Variants in ZNF680 observed in about 807,000 individuals in gnomAD.
ZNF680 encodes the protein hypothetical protein FLJ90430.
Under a neutral mutation model 12.1 loss-of-function variants are expected in ZNF680, and 6 were observed. The ratio of observed to expected loss-of-function variants is 0.49; its 90% confidence interval spans 0.27 to 0.98. ZNF680 has a LOEUF of 0.98. Among genes scored for constraint, ZNF680 ranks in the 50% least tolerant of loss-of-function variants. The pLI is 0.12. For synonymous variants in ZNF680, 170 were observed against 199.3 expected (o/e 0.85, Z 1.24); for missense variants, 561 against 616.3 (o/e 0.91, Z 0.95).
At chr7:64,517,179 A>T (rs1214919758), downstream of ZNF680, among the ~76,000 whole-genome samples, 1 of 152,080 alleles carries the variant, frequency 6.6e-6, no homozygotes. Context: ...TTTTTAAAGG[A>T]TAAATAACAT....
intron 1 of ZNF680, among the ~76,000 whole-genome samples, chr7:64,562,223 C>T (rs1489207019): frequency 7.2e-6 from 1 of 138,984 alleles, no homozygotes; most frequent in Non-Finnish European, 1.6e-5. Flanking sequence ...CAGAGCGAGA[C>T]TCCGTTTCAA....
chr7:64,526,839 T>C (rs1309608031), intron 3 of ZNF680, among the ~76,000 whole-genome samples: 3 of 152,254 alleles, frequency 2.0e-5, no homozygotes, highest in Non-Finnish European at 4.4e-5. Flanking sequence ...TTGTTTTAAC[T>C]TTAAGATGTT....
At chr7:64,537,930 CA>C (rs940367255) in intron 3 of ZNF680, among the ~76,000 whole-genome samples, 3 of 145,788 alleles carry the variant, frequency 2.1e-5, no homozygotes, top group African/African-American at 5.1e-5. Flanking sequence ...ACTCCATCTC[CA>C]AAAAAAAACA....
chr7:64,512,149 T>TA, the ZNF680 span, among the ~76,000 whole-genome samples: 2 of 149,506 alleles, frequency 1.3e-5, no homozygotes, highest in South Asian at 4.2e-4. Context: ...AAATCTTTTC[T>TA]AAAAAAAGTT....
chr7:64,559,464 G>A (rs1417623890), intron 1 of ZNF680, among the ~76,000 whole-genome samples: 1 of 144,576 alleles, frequency 6.9e-6, no homozygotes, highest in Non-Finnish European at 1.5e-5. Flanking sequence ...TGTTTTATTT[G>A]TTTGTTTAGG....
At chr7:64,499,179 A>G in the ZNF680 span, among the ~76,000 whole-genome samples, 1 of 152,224 alleles carries the variant, frequency 6.6e-6, no homozygotes, top group Admixed American at 6.5e-5. Context: ...TTGAAATATA[A>G]ATGATTTTGT....
At chr7:64,552,619 T>G (rs1276607009) in intron 1 of ZNF680, among the ~76,000 whole-genome samples, 2 of 152,210 alleles carry the variant, frequency 1.3e-5, no homozygotes, top group African/African-American at 4.8e-5. Flanking sequence ...TAAGTTTTAT[T>G]TGGATATTAG....
chr7:64,543,538 A>G (rs1016963269), intron 3 of ZNF680, among the ~76,000 whole-genome samples, 169 bp downstream of exon 3: 2 of 152,250 alleles, frequency 1.3e-5, no homozygotes, highest in Admixed American at 6.5e-5. Context: ...ATTTAAGAGC[A>G]TAAAGAAGAT....
intron 1 of ZNF680, among the ~76,000 whole-genome samples, chr7:64,547,613 G>A (rs1163567290): frequency 1.3e-5 from 2 of 151,920 alleles, no homozygotes; most frequent in East Asian, 3.9e-4. Flanking sequence ...TATTTCTTCT[G>A]TTTCTCTGTC....
At chr7:64,527,696 CAA>C (rs532949661) in intron 3 of ZNF680, among the ~76,000 whole-genome samples, 7 of 132,522 alleles carry the variant, frequency 5.3e-5, no homozygotes, top group African/African-American at 8.4e-5. Context: ...ACTCTGTCTC[CAA>C]AAAAAAAAAA....
intron 3 of ZNF680, chr7:64,526,572 ATGATGCTGGACAGCATC>A: frequency 2.5e-6 from 1 of 404,762 alleles, no homozygotes; most frequent in Non-Finnish European, 4.4e-6. Flanking sequence ...AAAAAAAAAA[ATGATGCTGGACAGCATC>A]ATAAAACTAT....
In ZNF680 at chr7:64,540,303, CTT is replaced by C. The variant is rs61265238; in HGVS notation, c.253+3402_253+3403del. On this transcript the variant is annotated intron_variant, in intron 3 of 3. Transcript: ENST00000309683. ...GTGATAGACATATGGCTGATTTATC[CTT>C]TTTTTTTTTTTTTTTTTGAGATGGA... 1.6e-3 allele frequency among the ~76,000 whole-genome samples: 212 copies of C among 129,092 alleles called. 2 individuals are homozygous for C. The highest frequency in any genetic ancestry group is 4.8e-3 in the African/African-American group (153 of 32,140). The allele number at this position is 129,092 out of a possible 152,430, so 84.7% of individuals were successfully genotyped here. A position where few individuals can be genotyped will look rare whatever the true frequency, so the allele number is the denominator to read the frequency against.
At chr7:64,557,768 AG>A (rs1372741515) in intron 1 of ZNF680, among the ~76,000 whole-genome samples, 1 of 152,188 alleles carries the variant, frequency 6.6e-6, no homozygotes, top group Admixed American at 6.5e-5. Context: ...ATGCACCTGT[AG>A]TTCCAGTTAC....
At position 64,521,522 on chromosome 7, in the gene ZNF680, C is replaced by A; in HGVS notation, c.1232G>T (p.Cys411Phe). 6.2e-7 allele frequency: 1 copy of A among 1,613,406 alleles called. No homozygotes were observed. Among genetic ancestry groups the A allele is most frequent in the Non-Finnish European group, 8.5e-7 (1 of 1,179,774 alleles). The part of the protein sequence containing the change: ...TGEKPYKCEE[C>F]GKAFNGCSSL... Reference sequence around the variant, plus strand: ...GGAGCACCCATTAAAAGCTTTGCCACATTCTTCACATTTGTAGGGTTTCTC... The same window carrying A: ...GGAGCACCCATTAAAAGCTTTGCCAAATTCTTCACATTTGTAGGGTTTCTC... Residue 411 changes from cysteine to phenylalanine, a missense_variant, in exon 4 of 4, where the codon TGT (cysteine) becomes TTT (phenylalanine). Physicochemically the swap from Cys to Phe is radical, Grantham distance 205. Coordinates refer to ENST00000309683, the MANE Select transcript of ZNF680 (RefSeq NM_178558.5).
chr7:64,543,680 G>A (rs771192727), intron 3 of ZNF680, 27 bp downstream of exon 3: 1 of 1,576,502 alleles, frequency 6.3e-7, no homozygotes, highest in Non-Finnish European at 8.7e-7. Flanking sequence ...TGTGTCATCT[G>A]TTGTATTCAC....
the ZNF680 span, among the ~76,000 whole-genome samples, chr7:64,507,277 G>A: frequency 6.6e-6 from 1 of 152,148 alleles, no homozygotes; most frequent in African/African-American, 2.4e-5. Context: ...ATGGTTACCA[G>A]AGACTGGGGG....
chr7:64,557,442 C>A (rs1188594398), intron 1 of ZNF680, among the ~76,000 whole-genome samples: 1 of 151,722 alleles, frequency 6.6e-6, no homozygotes, highest in Non-Finnish European at 1.5e-5. Flanking sequence ...GTAATCCCAG[C>A]TACTCAGGAG....
chr7:64,560,835 TAAA>T (rs944494224), intron 1 of ZNF680: 9 of 151,626 alleles, frequency 5.9e-5, no homozygotes, highest in African/African-American at 2.2e-4. Flanking sequence ...TACCCAGCCG[TAAA>T]AAAACTACCT....
At chr7:64,525,324 T>C (rs571030239) in intron 3 of ZNF680, 88 of 152,234 alleles carry the variant, frequency 5.8e-4, no homozygotes, top group African/African-American at 1.9e-3. Flanking sequence ...CAGTGCAAAT[T>C]TGTCACCAAA....
Sources: gnomAD v4.1 joint callset for allele counts (sites outside exome capture counted in the v4.1 genomes callset) on GRCh38, gnomAD v4.1.1 for gene constraint, MANE v1.5 for transcripts, NCBI Gene and HGNC (gene_info 2026-07-23, HGNC 2026-07-21) for gene names.